The following COL9A1 variants were observed in gnomAD, a reference collection of about 807,000 sequenced individuals.
The protein encoded by COL9A1 is collagen alpha-1(IX) chain.
In COL9A1, 104 loss-of-function variants were observed where a neutral mutation model predicts 142.6. That is an observed-to-expected ratio of 0.73 (90% CI 0.62 to 0.86). The LOEUF is 0.86. Ranked by LOEUF, COL9A1 falls within the 40% of genes least tolerant of loss-of-function variation. COL9A1 has a pLI of 0.00. For missense variants in COL9A1, 1,210 were observed against 1,176.6 expected, an observed-to-expected ratio of 1.03 and a Z score of -0.42; for synonymous variants, 466 against 396.0, an observed-to-expected ratio of 1.18 and a Z score of -2.10.
chr6:70,243,768 T>C (rs1770421453), intron 28 of COL9A1, among the ~76,000 whole-genome samples: 1 of 152,212 alleles, frequency 6.6e-6, no homozygotes, highest in Non-Finnish European at 1.5e-5. Context: ...CCTCAGGTGA[T>C]CCGCCCGCCT....
intron 36 of COL9A1, among the ~76,000 whole-genome samples, chr6:70,229,391 T>C (rs1195858418): frequency 6.6e-6 from 1 of 152,090 alleles, no homozygotes; most frequent in Non-Finnish European, 1.5e-5. Flanking sequence ...TTAGGTAAGG[T>C]ATAAAGAAAA....
chr6:70,279,066 T>C (rs1772947031), intron 10 of COL9A1, among the ~76,000 whole-genome samples: 1 of 152,208 alleles, frequency 6.6e-6, no homozygotes, highest in Non-Finnish European at 1.5e-5. Flanking sequence ...AAATACAAAA[T>C]AAATATTTTA....
At chr6:70,264,552 C>T (rs1771894778) in intron 18 of COL9A1, among the ~76,000 whole-genome samples, 2 of 151,884 alleles carry the variant, frequency 1.3e-5, no homozygotes, top group African/African-American at 2.4e-5. Context: ...CTTCTATTTC[C>T]CTACAAAAAT....
rs1258206851 is a variant in COL9A1, at chr6:70,216,455, T to A, written c.*442A>T. 1 of 191,240 alleles carries A rather than the reference T, an allele frequency of 5.2e-6. No homozygotes were observed. The highest frequency in any genetic ancestry group is 1.1e-5 in the Non-Finnish European group (1 of 90,476). 11.8% of individuals were successfully genotyped at this position (191,240 alleles called of 1,614,324 possible). A position where few individuals can be genotyped will look rare whatever the true frequency, so the allele number is the denominator to read the frequency against. On this transcript the variant is annotated 3_prime_UTR_variant, in exon 38 of 38. Coordinates refer to ENST00000357250, the MANE Select transcript of COL9A1 (RefSeq NM_001851.6). ...TAGTGGGGTTTCTTCATAACTAGTC[T>A]AGTAATCCTCTATATAACTGAAACA...
At chr6:70,275,176 T>G (rs1456913223) in intron 10 of COL9A1, 2 of 225,458 alleles carry the variant, frequency 8.9e-6, no homozygotes, top group Admixed American at 1.0e-4. Context: ...GAAACAAAAA[T>G]ACTATGTATC....
At chr6:70,229,858 G>C (rs1769442945) in intron 36 of COL9A1, among the ~76,000 whole-genome samples, 1 of 152,122 alleles carries the variant, frequency 6.6e-6, no homozygotes, top group African/African-American at 2.4e-5. Context: ...ACTATGATTT[G>C]AGGCATATTT....
chr6:70,258,004 A>G (rs1256113742), intron 20 of COL9A1, among the ~76,000 whole-genome samples: 1 of 152,206 alleles, frequency 6.6e-6, no homozygotes, highest in African/African-American at 2.4e-5. Context: ...TCAAGAGCAG[A>G]TCCAGTCTAC....
Position 70,274,806 on chromosome 6 carries a change from A to G in COL9A1, c.976-34T>C, listed in dbSNP as rs138887191. 3.2e-6 allele frequency: 5 copies of G among 1,560,938 alleles called. No individual in the cohort carries two copies. The African/African-American group carries it at 5.4e-5, about 17-fold the overall frequency. On this transcript the variant is annotated intron_variant, in intron 10 of 37. Transcript: ENST00000357250. ...GCAAGACAATGATGTTAGAACTATC[A>G]TAACATCCTTAGGCAAACCACTAAG... is the stretch of plus-strand genomic sequence containing the variant.
chr6:70,216,935 C>A lies in COL9A1; in HGVS notation c.2728G>T (p.Ala910Ser), dbSNP rs747451078. ...CCTTTGTTAAATGCTCGCTGACCAGCCTGCATGGTGCAGGAGGCTGGCTCA... is the reference window on the plus strand; with the variant it reads ...CCTTTGTTAAATGCTCGCTGACCAGACTGCATGGTGCAGGAGGCTGGCTCA... ...FCEPASCTMQ[A>S]GQRAFNKGPD... The change falls in exon 38 of 38, where the codon GCT becomes TCT. Residue 910 changes from alanine (A) to serine (S), a missense_variant. Coordinates refer to ENST00000357250, the MANE Select transcript of COL9A1 (RefSeq NM_001851.6). The A allele has an allele frequency of 1.9e-6, 3 of 1,614,180 alleles. No individual in the cohort carries two copies. The highest frequency in any genetic ancestry group is 1.7e-4 in the Middle Eastern group (1 of 6,048).
chr6:70,246,880 C>T lies in COL9A1; in HGVS notation c.1873-4165G>A, dbSNP rs546158162. Among the ~76,000 whole-genome samples, 3 of 152,256 alleles carry T rather than the reference C, an allele frequency of 2.0e-5. No individual in the cohort carries two copies. In the East Asian group the frequency reaches 5.8e-4, roughly 29 times the overall value. ...CATGCATCTGGTAACTTCGGGCAAG[C>T]AGCTTAACCTCTCCGTGCCTGTTTC... On this transcript the variant is annotated intron_variant, in intron 28 of 37. Transcript: ENST00000357250.
At chr6:70,266,049 A>C (rs1257482474) in intron 18 of COL9A1, among the ~76,000 whole-genome samples, 2 of 152,216 alleles carry the variant, frequency 1.3e-5, no homozygotes, top group Non-Finnish European at 1.5e-5. Context: ...CTATGCAGGA[A>C]GTCAAATTCT....
Position 70,255,559 on chromosome 6 carries a change from C to G in COL9A1, c.1504-169G>C, listed in dbSNP as rs140380361. 8.1e-3 allele frequency among the ~76,000 whole-genome samples: 1,230 copies of G among 152,294 alleles called. 18 individuals are homozygous for G. The highest frequency in any genetic ancestry group is 0.028 in the African/African-American group (1,184 of 41,566). On this transcript the variant is annotated intron_variant, in intron 21 of 37. Coordinates refer to ENST00000357250, the MANE Select transcript of COL9A1 (RefSeq NM_001851.6). ...AGTCTTTTTATAAAAACGGAATTGT[C>G]TTAAAAATGGATATTGCCATAGAGA...
At chr6:70,285,169 CT>C (rs1341157311) in intron 5 of COL9A1, among the ~76,000 whole-genome samples, 3 of 152,224 alleles carry the variant, frequency 2.0e-5, no homozygotes, top group African/African-American at 7.2e-5. Flanking sequence ...ACTGGTACAC[CT>C]GTTTAAATAT....
intron 4 of COL9A1, among the ~76,000 whole-genome samples, chr6:70,295,169 T>A (rs1224438408): frequency 6.6e-6 from 1 of 152,034 alleles, no homozygotes; most frequent in Non-Finnish European, 1.5e-5. Flanking sequence ...AGGATGTTTG[T>A]CTTTTTTTAG....
chr6:70,280,592 G>A, intron 10 of COL9A1: 1 of 1,325,326 alleles, frequency 7.5e-7, no homozygotes, highest in Non-Finnish European at 1.0e-6. Flanking sequence ...AGGAGGAAAT[G>A]CCAACGCCTC....
At chr6:70,254,915 A>G in intron 24 of COL9A1, 48 bp downstream of exon 24, 1 of 1,543,694 alleles carries the variant, frequency 6.5e-7, no homozygotes, top group South Asian at 1.1e-5. Flanking sequence ...TCAGTTGGCC[A>G]GGGCAGAGAC....
intron 11 of COL9A1, 81 bp downstream of exon 11, chr6:70,274,638 G>T: frequency 8.7e-7 from 1 of 1,144,720 alleles, no homozygotes. Flanking sequence ...ATAACTTAAT[G>T]TTAGTTGGCT....
At chr6:70,225,165 G>A (rs911997447) in intron 37 of COL9A1, among the ~76,000 whole-genome samples, 2 of 152,194 alleles carry the variant, frequency 1.3e-5, no homozygotes, top group Non-Finnish European at 2.9e-5. Flanking sequence ...CACAATAAGA[G>A]AGCGTTTGCT....
chr6:70,250,481 C>G (rs1337809391), intron 28 of COL9A1, among the ~76,000 whole-genome samples: 1 of 152,106 alleles, frequency 6.6e-6, no homozygotes, highest in Admixed American at 6.5e-5. Flanking sequence ...AAAATAAGCA[C>G]AGAGCAAGTG....
Sources: gnomAD v4.1 joint callset for allele counts (sites outside exome capture counted in the v4.1 genomes callset) on GRCh38, gnomAD v4.1.1 for gene constraint, MANE v1.5 for transcripts, NCBI Gene and HGNC (gene_info 2026-07-23, HGNC 2026-07-21) for gene names.